LDHB: variants seen among roughly 807,000 people sequenced by gnomAD.
The protein encoded by LDHB is L-lactate dehydrogenase B chain.
A neutral mutation model predicts 33.4 loss-of-function variants in LDHB; 18 were observed. The ratio of observed to expected loss-of-function variants is 0.54; its 90% CI spans 0.37 to 0.80. The LOEUF is 0.80. Among genes scored for constraint, LDHB ranks in the 30% least tolerant of loss-of-function variants. The probability of loss-of-function intolerance (pLI) is 0.00; values close to 1 mark genes in which losing one functional copy is unlikely to be tolerated. For missense variants in LDHB, 345 were observed against 407.9 expected (o/e 0.85, Z 1.33); for synonymous variants, 121 against 140.6 (o/e 0.86, Z 0.98).
chr12:21,650,109 C>T (rs1650304), intron 2 of LDHB, among the ~76,000 whole-genome samples: 8,065 of 29,846 alleles, frequency 0.27, 420 homozygotes, highest in Admixed American at 0.29. Context: ...AAAAAATACA[C>T]ACACACACAC....
At chr12:21,638,205 T>G in intron 6 of LDHB, 148 bp downstream of exon 6, 1 of 630,056 alleles carries the variant, frequency 1.6e-6, no homozygotes, top group Non-Finnish European at 2.8e-6. Context: ...GTTTGACCAG[T>G]GTAAAAGTCT....
At chr12:21,645,706 T>G (rs565426132) in intron 3 of LDHB, among the ~76,000 whole-genome samples, 1 of 152,158 alleles carries the variant, frequency 6.6e-6, no homozygotes, top group Non-Finnish European at 1.5e-5. Context: ...ACTATTACCC[T>G]ATTGTCCAGC....
chr12:21,647,594 T>A (rs1169258269), intron 2 of LDHB, among the ~76,000 whole-genome samples: 2 of 152,198 alleles, frequency 1.3e-5, no homozygotes, highest in East Asian at 3.8e-4. Flanking sequence ...GTCTCAGATT[T>A]CTTTTGTTTT....
intron 2 of LDHB, among the ~76,000 whole-genome samples, chr12:21,650,679 A>C (rs1406022674): frequency 6.6e-6 from 1 of 152,240 alleles, no homozygotes; most frequent in Non-Finnish European, 1.5e-5. Context: ...CTGGTAGTAG[A>C]AGATGTAAAA....
At chr12:21,640,942 A>G (rs914347324) in intron 5 of LDHB, among the ~76,000 whole-genome samples, 1 of 152,156 alleles carries the variant, frequency 6.6e-6, no homozygotes, top group Non-Finnish European at 1.5e-5. Flanking sequence ...ATCCGAGGCC[A>G]CATTGATATC....
rs145749555 is a variant in LDHB at position 21,641,092 on chromosome 12, C to A, written c.595+860G>T. Among the ~76,000 whole-genome samples, 1,023 of 152,244 alleles carry A rather than the reference C, an allele frequency of 6.7e-3. 9 individuals are homozygous for A. The highest frequency in any genetic ancestry group is 0.023 in the African/African-American group (965 of 41,552). ...TTCAACCACAAATCATTAATAGATG[C>A]TAAATTTAGCAGAGAAAAATTGATG... On this transcript the variant is annotated intron_variant, in intron 5 of 7. Coordinates refer to ENST00000350669, the MANE Select transcript of LDHB (RefSeq NM_002300.8).
chr12:21,640,500 T>G (rs1225657590), intron 5 of LDHB, among the ~76,000 whole-genome samples: 2 of 152,066 alleles, frequency 1.3e-5, no homozygotes, highest in Non-Finnish European at 2.9e-5. Flanking sequence ...AATTAATAGT[T>G]TATTAAAAAT....
intron 1 of LDHB, among the ~76,000 whole-genome samples, chr12:21,654,950 G>A (rs547338539): frequency 3.3e-5 from 5 of 151,560 alleles, no homozygotes; most frequent in Non-Finnish European, 4.4e-5. Flanking sequence ...GTGAAACCCC[G>A]TCTCTACTAA....
chr12:21,636,390 G>A (rs1009387751), intron 7 of LDHB, among the ~76,000 whole-genome samples: 1 of 150,496 alleles, frequency 6.6e-6, no homozygotes, highest in African/African-American at 2.4e-5. Context: ...TTACCAGTTC[G>A]TGTGGGTAAT....
chr12:21,642,197 C>G, intron 4 of LDHB, 72 bp from the exon 5 acceptor site: 1 of 1,070,310 alleles, frequency 9.3e-7, no homozygotes, highest in Non-Finnish European at 1.4e-6. Context: ...TTGGGGTGCC[C>G]TGGCTTCCCT....
At chr12:21,653,047 T>C (rs1650312) in intron 2 of LDHB, among the ~76,000 whole-genome samples, 143,764 of 152,134 alleles carry the variant, frequency 0.94, 68,430 homozygotes, top group East Asian at 1. Flanking sequence ...TTTCTACATT[T>C]AAGGCAGCCA....
intron 1 of LDHB, among the ~76,000 whole-genome samples, chr12:21,655,531 T>C (rs1315189239): frequency 2.3e-4 from 35 of 152,252 alleles, no homozygotes; most frequent in Admixed American, 2.3e-3. Flanking sequence ...TAATACATAG[T>C]GACAATATAA....
intron 1 of LDHB, among the ~76,000 whole-genome samples, chr12:21,656,253 C>T (rs1008456185): frequency 6.6e-6 from 1 of 152,164 alleles, no homozygotes; most frequent in African/African-American, 2.4e-5. Flanking sequence ...TTCCTCCCAT[C>T]TGTAAGGATA....
chr12:21,646,858 G>GA (rs34354944), intron 3 of LDHB, 41 bp downstream of exon 3: 1 of 1,192,976 alleles, frequency 8.4e-7, no homozygotes, highest in Admixed American at 1.7e-5. Flanking sequence ...TTGGGGCCAT[G>GA]AAAAAAATAT....
chr12:21,649,473 A>G (rs962739518), intron 2 of LDHB, among the ~76,000 whole-genome samples: 1 of 152,162 alleles, frequency 6.6e-6, no homozygotes, highest in African/African-American at 2.4e-5. Flanking sequence ...TGAATTTTCC[A>G]TATATATATT....
intron 2 of LDHB, among the ~76,000 whole-genome samples, chr12:21,652,884 A>G (rs1188154298): frequency 6.7e-6 from 1 of 149,460 alleles, no homozygotes; most frequent in Non-Finnish European, 1.5e-5. Flanking sequence ...TATTTTTTTG[A>G]TAACTGTTTC....
intron 4 of LDHB, chr12:21,643,515 T>C (rs903817125): frequency 1.1e-5 from 2 of 175,844 alleles, no homozygotes; most frequent in African/African-American, 4.8e-5. Flanking sequence ...AATGGCTTTC[T>C]TATATGCTTC....
At chr12:21,656,057 A>T (rs1938835074) in intron 1 of LDHB, among the ~76,000 whole-genome samples, 1 of 152,142 alleles carries the variant, frequency 6.6e-6, no homozygotes, top group Non-Finnish European at 1.5e-5. Context: ...CCTGTCTCAA[A>T]CTGTACCAGA....
At position 21,655,351 on chromosome 12, in the gene LDHB, G is replaced by C. The variant is rs1488882652; in HGVS notation, c.-6-674C>G. On this transcript the variant is annotated intron_variant, in intron 1 of 7. Coordinates refer to ENST00000350669, the MANE Select transcript of LDHB (RefSeq NM_002300.8). ...ATGTATATGTAACTATGTAAACTAA[G>C]TTTGGGTCTAGTATTGACTCATACT... Among the ~76,000 whole-genome samples, 14 of 152,310 alleles carry C rather than the reference G, an allele frequency of 9.2e-5. No individual in the cohort carries two copies. The East Asian group carries it at 2.5e-3, about 27-fold the overall frequency.
Sources: gnomAD v4.1 joint callset for allele counts (sites outside exome capture counted in the v4.1 genomes callset) on GRCh38, gnomAD v4.1.1 for gene constraint, MANE v1.5 for transcripts, NCBI Gene and HGNC (gene_info 2026-07-23, HGNC 2026-07-21) for gene names.